MOB2: variants seen among roughly 807,000 people sequenced by gnomAD.
MOB2 encodes MOB kinase activator 2, also known as MOB2 Mps One Binder homolog.
A neutral mutation model predicts 27.4 loss-of-function variants in MOB2; 14 were observed. The ratio of observed to expected loss-of-function variants is 0.51; its 90% CI spans 0.34 to 0.80. MOB2 has a LOEUF of 0.80. Among genes scored for constraint, MOB2 ranks in the 30% least tolerant of loss-of-function variants. MOB2 has a pLI of 0.01. For missense variants in MOB2, 304 were observed against 354.6 expected, an observed-to-expected ratio of 0.86 and a Z score of 1.15; for synonymous variants, 167 against 151.8, an observed-to-expected ratio of 1.10 and a Z score of -0.74.
intron 1 of MOB2, 100 bp downstream of exon 1, chr11:1,486,347 C>A (rs1252125337): frequency 6.7e-6 from 6 of 898,340 alleles, no homozygotes; most frequent in East Asian, 2.7e-5. Flanking sequence ...GCCACGGACA[C>A]AGTCCGCCGC....
intron 3 of MOB2, among the ~76,000 whole-genome samples, chr11:1,477,147 G>A (rs1165690942): frequency 6.6e-6 from 1 of 152,130 alleles, no homozygotes; most frequent in Non-Finnish European, 1.5e-5. Flanking sequence ...CCATCACTGA[G>A]GAGAGGGCTG....
At position 1,486,476 on chromosome 11, in the gene MOB2, C is replaced by A. The variant is rs1249137770; in HGVS notation, c.81G>T (p.Met27Ile). ...GCACTTTGCTGACAGCCTGAAGCAC[C>A]ATTTTGCAGCAGAGTCCACTTTGCA... ...QSLQSGLCCKMVLQAVSKVLR... is the reference protein window; with the variant it reads ...QSLQSGLCCKIVLQAVSKVLR... Residue 27 changes from methionine to isoleucine, a missense_variant, in exon 1 of 5, where the codon ATG (methionine) becomes ATT (isoleucine). Physicochemically the swap from Met to Ile is conservative, Grantham distance 10. Transcript: ENST00000329957. 6.5e-7 allele frequency: 1 copy of A among 1,535,886 alleles called. No homozygotes were observed. Among genetic ancestry groups the A allele is most frequent in the Admixed American group, 2.0e-5 (1 of 51,002 alleles).
chr11:1,481,727 CA>C (rs1847916532), intron 1 of MOB2: 2 of 40,664 alleles, frequency 4.9e-5, no homozygotes, highest in Admixed American at 3.6e-4. Flanking sequence ...GGGGCAGGGG[CA>C]GGGGCAGGGG....
At chr11:1,481,959 G>C (rs1312504976) in intron 1 of MOB2, among the ~76,000 whole-genome samples, 1 of 152,138 alleles carries the variant, frequency 6.6e-6, no homozygotes, top group Non-Finnish European at 1.5e-5. Flanking sequence ...CCTCGCCCCA[G>C]CACAGCGAGG....
chr11:1,474,632 C>T (rs943867760), intron 3 of MOB2, among the ~76,000 whole-genome samples: 2 of 152,070 alleles, frequency 1.3e-5, no homozygotes, highest in African/African-American at 2.4e-5. Context: ...GGTCTATCTC[C>T]GGACTCTCCA....
chr11:1,480,489 G>GGAAGA lies in MOB2; in HGVS notation c.272-8_272-4dup. The GGAAGA allele has an allele frequency of 6.2e-7, 1 of 1,613,630 alleles. No individual in the cohort carries two copies. The highest frequency in any genetic ancestry group is 8.5e-7 in the Non-Finnish European group (1 of 1,179,728). On this transcript the variant is annotated splice_polypyrimidine_tract_variant and splice_region_variant and intron_variant, in intron 2 of 4. Transcript: ENST00000329957. ...GATGTGGTGGAAAAACGTCGTGGCT[G>GGAAGA]GAAGAGAAGAGAAGGAGCCAGATGT...
rs1182479549 is a variant in MOB2 at position 1,480,726 on chromosome 11, G to T, written c.270C>A (p.Asn90Lys). The T allele has an allele frequency of 1.2e-6, 2 of 1,602,730 alleles. No individual in the cohort carries two copies. Among genetic ancestry groups the T allele is most frequent in the Non-Finnish European group, 1.7e-6 (2 of 1,175,702 alleles). ...EIDLNEWLASNTTTFFHHINL... is the reference protein window; with the variant it reads ...EIDLNEWLASKTTTFFHHINL... ...GCCCGCCCCCAGGCCCCCGCGCACTGTTGCTGGCCAGCCACTCGTTAAGGT... is the reference window on the plus strand; with the variant it reads ...GCCCGCCCCCAGGCCCCCGCGCACTTTTGCTGGCCAGCCACTCGTTAAGGT... Residue 90 changes from asparagine (N) to lysine (K), a missense_variant and splice_region_variant, in exon 2 of 5, where the codon AAC (asparagine) becomes AAA (lysine). By Grantham distance (94) the Asn-to-Lys change is moderately conservative (BLOSUM62 0). Coordinates refer to ENST00000329957, the MANE Select transcript of MOB2 (RefSeq NM_001172223.3).
chr11:1,480,705 G>A lies in MOB2; in HGVS notation c.271+20C>T, dbSNP rs902797971. The A allele has an allele frequency of 1.2e-4, 196 of 1,594,922 alleles. No individual in the cohort carries two copies. The highest frequency in any genetic ancestry group is 1.6e-4 in the Non-Finnish European group (189 of 1,171,534). On this transcript the variant is annotated intron_variant, in intron 2 of 4. Coordinates refer to ENST00000329957, the MANE Select transcript of MOB2 (RefSeq NM_001172223.3). ...GGAGCAGGGAGGAGGGAGGGGGCCC[G>A]CCCCCAGGCCCCCGCGCACTGTTGC...
At chr11:1,471,770 G>A in intron 3 of MOB2, 1 of 195,904 alleles carries the variant, frequency 5.1e-6, no homozygotes, top group Non-Finnish European at 1.0e-5. Flanking sequence ...AGTGCGTGCT[G>A]CTGTTTTTCT....
chr11:1,480,940 T>A lies in MOB2; in HGVS notation c.111-55A>T, dbSNP rs185344331. 7.1e-6 allele frequency: 11 copies of A among 1,540,500 alleles called. No homozygotes were observed. The East Asian group carries it at 2.7e-4, about 38-fold the overall frequency. ...CTACACGCCCATCAGACCCAGGGTC[T>A]GCCCGGGGGGTCAGTTGTGGCCAGC... On this transcript the variant is annotated intron_variant, in intron 1 of 4. Transcript: ENST00000329957.
At chr11:1,485,755 A>G (rs1847963188) in intron 1 of MOB2, among the ~76,000 whole-genome samples, 1 of 152,012 alleles carries the variant, frequency 6.6e-6, no homozygotes, top group Non-Finnish European at 1.5e-5. Flanking sequence ...ACACGGGTGC[A>G]CGCTCCCACA....
intron 1 of MOB2, among the ~76,000 whole-genome samples, chr11:1,482,181 C>T (rs1026045311): frequency 1.3e-5 from 2 of 152,220 alleles, no homozygotes; most frequent in African/African-American, 4.8e-5. Context: ...GTTGCAGTGG[C>T]CCAGGCTGCC....
rs746773606 is a variant in MOB2 at position 1,471,426 on chromosome 11, A to T, written c.366-7T>A. On this transcript the variant is annotated splice_polypyrimidine_tract_variant and splice_region_variant and intron_variant, in intron 3 of 4. Transcript: ENST00000329957. ...GTCATACCAGTAGTACTGTCTGTGG[A>T]GACAGAGACACGGTCAGGGCATGCG... 1 of 1,608,480 alleles carries T rather than the reference A, an allele frequency of 6.2e-7. No homozygotes were observed. The highest frequency in any genetic ancestry group is 1.3e-5 in the African/African-American group (1 of 74,854).
chr11:1,474,222 C>G (rs1036970639), intron 3 of MOB2, among the ~76,000 whole-genome samples: 4 of 152,248 alleles, frequency 2.6e-5, no homozygotes, highest in Non-Finnish European at 5.9e-5. Flanking sequence ...CTTTGGCAAA[C>G]TGTCTGCTCA....
chr11:1,470,427 G>T lies in MOB2; in HGVS notation c.552C>A (p.His184Gln). The T allele has an allele frequency of 6.2e-7, 1 of 1,613,672 alleles. No individual in the cohort carries two copies. The highest frequency in any genetic ancestry group is 8.5e-7 in the Non-Finnish European group (1 of 1,179,868). Reference sequence around the variant, plus strand: ...GGGCCCAGTAGATGTGTGCCAGCACGTGGAACAGGTGTCTGCAGATCTTCC... The same window carrying T: ...GGGCCCAGTAGATGTGTGCCAGCACTTGGAACAGGTGTCTGCAGATCTTCC... ...LVRKICRHLF[H>Q]VLAHIYWAHF... Residue 184 changes from histidine (H) to glutamine (Q), a missense_variant, in exon 5 of 5, where the codon CAC (histidine) becomes CAA (glutamine). By Grantham distance (24) the His-to-Gln change is conservative (BLOSUM62 0). Transcript: ENST00000329957.
chr11:1,469,764 AC>A lies in MOB2; in HGVS notation c.*407del, dbSNP rs1449643971. 4 of 475,624 alleles carry A rather than the reference AC, an allele frequency of 8.4e-6. No homozygotes were observed. Among genetic ancestry groups the A allele is most frequent in the Admixed American group, 2.3e-5 (1 of 43,008 alleles). 29.5% of individuals were successfully genotyped at this position (475,624 alleles called of 1,614,324 possible). A position where few individuals can be genotyped will look rare whatever the true frequency, so the allele number is the denominator to read the frequency against. On this transcript the variant is annotated 3_prime_UTR_variant, in exon 5 of 5. Transcript: ENST00000329957. ...GAGGGTCTCTGTGAAAGCAAGCCCC[AC>A]CCCCAGAGCAGAGCAGAGACCCAGG...
rs771029313 is a variant in MOB2 at position 1,471,431 on chromosome 11, G to C, written c.366-12C>G. 4 of 1,607,828 alleles carry C rather than the reference G, an allele frequency of 2.5e-6. No individual in the cohort carries two copies. The East Asian group carries it at 8.9e-5, about 36-fold the overall frequency. On this transcript the variant is annotated splice_polypyrimidine_tract_variant and intron_variant, in intron 3 of 4. Coordinates refer to ENST00000329957, the MANE Select transcript of MOB2 (RefSeq NM_001172223.3). ...ACCAGTAGTACTGTCTGTGGAGACAGAGACACGGTCAGGGCATGCGCCCGC... is the reference window on the plus strand; with the variant it reads ...ACCAGTAGTACTGTCTGTGGAGACACAGACACGGTCAGGGCATGCGCCCGC...
chr11:1,477,660 G>A (rs1383186153), intron 3 of MOB2, among the ~76,000 whole-genome samples: 2 of 152,156 alleles, frequency 1.3e-5, no homozygotes, highest in South Asian at 2.1e-4. Flanking sequence ...ATCCAGTGAC[G>A]TGGTCAGTGC....
intron 1 of MOB2, among the ~76,000 whole-genome samples, chr11:1,482,666 C>T (rs1168903698): frequency 6.6e-6 from 1 of 152,236 alleles, no homozygotes; most frequent in Admixed American, 6.5e-5. Flanking sequence ...GCTGGCCGGG[C>T]CCCGGAGCTT....
Sources: gnomAD v4.1 joint callset for allele counts (sites outside exome capture counted in the v4.1 genomes callset) on GRCh38, gnomAD v4.1.1 for gene constraint, MANE v1.5 for transcripts, NCBI Gene and HGNC (gene_info 2026-07-23, HGNC 2026-07-21) for gene names.